Variants in GAPVD1 observed in about 807,000 individuals in gnomAD.
GAPVD1 encodes the protein GTPase-activating protein and VPS9 domain-containing protein 1.
Under a neutral mutation model 155.5 loss-of-function variants are expected in GAPVD1, and 35 were observed. That is an observed-to-expected ratio of 0.23 (90% CI 0.17 to 0.30). The LOEUF is 0.30. Ranked by LOEUF, GAPVD1 falls within the 10% of genes least tolerant of loss-of-function variation. GAPVD1 has a pLI of 1.00. For synonymous variants in GAPVD1, 636 were observed against 619.7 expected (o/e 1.03, Z -0.39); for missense variants, 1,429 against 1,775.7 (o/e 0.80, Z 3.51).
At chr9:125,304,533 T>C (rs976875924) in intron 5 of GAPVD1, among the ~76,000 whole-genome samples, 5 of 152,222 alleles carry the variant, frequency 3.3e-5, no homozygotes, top group Admixed American at 6.5e-5. Flanking sequence ...CATTAGCCTT[T>C]AAAAAGAGTG....
At chr9:125,315,301 C>G (rs1432150841) in intron 9 of GAPVD1, among the ~76,000 whole-genome samples, 1 of 152,138 alleles carries the variant, frequency 6.6e-6, no homozygotes, top group Non-Finnish European at 1.5e-5. Context: ...CTGTCAGAAT[C>G]AACTTATTTG....
In GAPVD1 at chr9:125,331,923, T is replaced by C; in HGVS notation, c.2174-3T>C. 1.2e-6 allele frequency: 2 copies of C among 1,613,768 alleles called. No individual in the cohort carries two copies. The highest frequency in any genetic ancestry group is 1.7e-6 in the Non-Finnish European group (2 of 1,179,656). ...TGTAACATACCTCTTATCTTCTATT[T>C]AGAGGCCCCAGACCTAAAGCAGGAG... On this transcript the variant is annotated splice_region_variant and splice_polypyrimidine_tract_variant and intron_variant, in intron 13 of 27. Transcript: ENST00000297933.
intron 12 of GAPVD1, among the ~76,000 whole-genome samples, chr9:125,329,112 G>C (rs1845699556): frequency 6.6e-6 from 1 of 152,158 alleles, no homozygotes; most frequent in East Asian, 1.9e-4. Context: ...GGGAGACCGT[G>C]GGGAGAGGGA....
Position 125,307,894 on chromosome 9 carries a change from C to G in GAPVD1, c.1441+14C>G, listed in dbSNP as rs1237016659. 11 of 1,530,208 alleles carry G rather than the reference C, an allele frequency of 7.2e-6. No homozygotes were observed. The highest frequency in any genetic ancestry group is 1.0e-5 in the Non-Finnish European group (11 of 1,103,380). The allele number at this position is 1,530,208 out of a possible 1,614,324, so 94.8% of individuals were successfully genotyped here. On this transcript the variant is annotated intron_variant, in intron 8 of 27. Coordinates refer to ENST00000297933, the MANE Select transcript of GAPVD1 (RefSeq NM_001282680.3). Reference sequence around the variant, plus strand: ...GATTACCTATAGGTAAAGAGAATTTCTCGTATTGGAGCTTTCTCTTAAATC... The same window carrying G: ...GATTACCTATAGGTAAAGAGAATTTGTCGTATTGGAGCTTTCTCTTAAATC...
chr9:125,281,191 G>A (rs992896650), intron 2 of GAPVD1, among the ~76,000 whole-genome samples: 3 of 152,148 alleles, frequency 2.0e-5, no homozygotes, highest in Non-Finnish European at 2.9e-5. Context: ...GTTAGAGATT[G>A]TGATAATTAC....
At chr9:125,350,022 A>G (rs1428829804) in intron 21 of GAPVD1, among the ~76,000 whole-genome samples, 2 of 151,956 alleles carry the variant, frequency 1.3e-5, no homozygotes, top group Non-Finnish European at 1.5e-5. Flanking sequence ...TTCTTATAGC[A>G]CCCGTCATGG....
chr9:125,274,776 A>G (rs111424543), intron 2 of GAPVD1, among the ~76,000 whole-genome samples: 4 of 152,080 alleles, frequency 2.6e-5, no homozygotes, highest in African/African-American at 9.6e-5. Flanking sequence ...TATTCATTTT[A>G]ATTCATTTAA....
At chr9:125,330,895 T>G (rs1464982283) in intron 13 of GAPVD1, among the ~76,000 whole-genome samples, 1 of 152,138 alleles carries the variant, frequency 6.6e-6, no homozygotes, top group Non-Finnish European at 1.5e-5. Context: ...GTAAACACAT[T>G]TAGATTTATC....
intron 2 of GAPVD1, among the ~76,000 whole-genome samples, chr9:125,286,016 C>T (rs1194640306): frequency 6.6e-6 from 1 of 151,928 alleles, no homozygotes; most frequent in Non-Finnish European, 1.5e-5. Context: ...CCATGTTTCC[C>T]AGGCTGGTCT....
intron 10 of GAPVD1, 132 bp from the exon 11 acceptor site, chr9:125,323,665 TG>T: frequency 1.3e-6 from 1 of 785,158 alleles, no homozygotes; most frequent in South Asian, 1.7e-5. Context: ...TCAAAGGGCA[TG>T]TGTTTTTTTA....
chr9:125,357,556 G>A, intron 25 of GAPVD1, among the ~76,000 whole-genome samples: 1 of 151,608 alleles, frequency 6.6e-6, no homozygotes, highest in Admixed American at 6.6e-5. Context: ...TCCAGCCTAG[G>A]CAACAGAGTG....
chr9:125,320,094 C>T (rs1242537919), intron 9 of GAPVD1, among the ~76,000 whole-genome samples: 1 of 152,096 alleles, frequency 6.6e-6, no homozygotes, highest in Admixed American at 6.6e-5. Context: ...CTGAATCAAG[C>T]TAAATAACCT....
chr9:125,267,732 T>A (rs1291731659), intron 1 of GAPVD1, among the ~76,000 whole-genome samples: 3 of 152,026 alleles, frequency 2.0e-5, no homozygotes, highest in East Asian at 3.9e-4. Flanking sequence ...ATTTTTTTTT[T>A]ATTGGGAAGA....
chr9:125,298,230 G>C (rs1840182486), intron 3 of GAPVD1, among the ~76,000 whole-genome samples: 3 of 152,064 alleles, frequency 2.0e-5, no homozygotes, highest in African/African-American at 4.8e-5. Context: ...GAATCAACAG[G>C]ATATTTTGAT....
In GAPVD1 at chr9:125,308,574, TTTAA is replaced by T. The variant is rs565903947; in HGVS notation, c.1441+699_1441+702del. On this transcript the variant is annotated intron_variant, in intron 8 of 27. Transcript: ENST00000297933. ...CAAGTTTGTTTATTTAAGAATTCTATTTAATTAAGCCTTATTTGCTTGGTTAACA... is the reference window on the plus strand; with the variant it reads ...CAAGTTTGTTTATTTAAGAATTCTATTTAAGCCTTATTTGCTTGGTTAACA... The T allele has an allele frequency of 1.6e-3, 246 of 152,330 alleles. 1 individual carries two copies. The highest frequency in any genetic ancestry group is 5.7e-3 in the African/African-American group (237 of 41,578). 9.4% of individuals were successfully genotyped at this position (152,330 alleles called of 1,614,324 possible).
chr9:125,283,044 A>T (rs1240566652), intron 2 of GAPVD1, among the ~76,000 whole-genome samples: 1 of 148,468 alleles, frequency 6.7e-6, no homozygotes, highest in African/African-American at 2.5e-5. Context: ...TTATTTATTT[A>T]TTTATTTATT....
rs753775768 is a variant in GAPVD1 at position 125,354,655 on chromosome 9, A to G, written c.3571A>G (p.Lys1191Glu). The change falls in exon 24 of 28, where the codon AAA (lysine) becomes GAA (glutamate). Residue 1191 changes from lysine to glutamate, a missense_variant and splice_region_variant. Lys to Glu is a moderately conservative substitution (Grantham distance 56, BLOSUM62 1). This residue lies in a region of GAPVD1 where 699 missense variants were observed against 826.0 expected (regional missense o/e 0.85). Transcript: ENST00000297933. Reference sequence around the variant, plus strand: ...CATGCAAAGTATTTTTCCTTTTAGAAAAAGAGCCCCATATATTGCTTATCT... The same window carrying G: ...CATGCAAAGTATTTTTCCTTTTAGAGAAAGAGCCCCATATATTGCTTATCT... ...LLASIAEDYR[K>E]RAPYIAYLTR... is the part of the protein sequence containing the mutation. 6.2e-7 allele frequency: 1 copy of G among 1,604,752 alleles called. No individual in the cohort carries two copies. Among genetic ancestry groups the G allele is most frequent in the Non-Finnish European group, 8.5e-7 (1 of 1,172,638 alleles).
At position 125,325,519 on chromosome 9, in the gene GAPVD1, C is replaced by CAA. The variant is rs34510251; in HGVS notation, c.1859-878_1859-877dup. Among the ~76,000 whole-genome samples, 262 of 92,832 alleles carry CAA rather than the reference C, an allele frequency of 2.8e-3. 4 individuals are homozygous for CAA. Among genetic ancestry groups the CAA allele is most frequent in the African/African-American group, 4.6e-3 (127 of 27,488 alleles). 60.9% of individuals were successfully genotyped at this position (92,832 alleles called of 152,430 possible). A position where few individuals can be genotyped will look rare whatever the true frequency, so the allele number is the denominator to read the frequency against. ...TGGGCGACAGAGCGAGACTCCATCT[C>CAA]AAAAAAAAAAAAAAAAAAAAGATGA... is the stretch of plus-strand genomic sequence containing the variant. On this transcript the variant is annotated intron_variant, in intron 11 of 27. Coordinates refer to ENST00000297933, the MANE Select transcript of GAPVD1 (RefSeq NM_001282680.3).
intron 2 of GAPVD1, 132 bp downstream of exon 2, chr9:125,269,116 G>C (rs999820474): frequency 1.3e-5 from 2 of 151,902 alleles, no homozygotes; most frequent in East Asian, 3.9e-4. Flanking sequence ...TCAGAGTGCA[G>C]TGGTGCCATC....
Sources: allele counts gnomAD v4.1 joint callset (sites outside exome capture counted in the v4.1 genomes callset), GRCh38; gene constraint gnomAD v4.1.1; regional missense constraint gnomAD v4.1.1; transcripts MANE v1.5; gene names NCBI Gene and HGNC (gene_info 2026-07-23, HGNC 2026-07-21).